CHCHD5: variants seen among roughly 807,000 people sequenced by gnomAD.
CHCHD5 encodes the protein coiled-coil-helix-coiled-coil-helix domain-containing protein 5.
In CHCHD5, 10 loss-of-function variants were observed where a neutral mutation model predicts 16.0. That is an observed-to-expected ratio of 0.63 (90% CI 0.39 to 1.06). CHCHD5 has a LOEUF of 1.06. Ranked by LOEUF, CHCHD5 falls within the 50% of genes least tolerant of loss-of-function variation. The pLI is 0.01. For missense variants in CHCHD5, 163 were observed against 153.4 expected, an observed-to-expected ratio of 1.06 and a Z score of -0.33; for synonymous variants, 55 against 56.3, an observed-to-expected ratio of 0.98 and a Z score of 0.10.
Position 112,588,758 on chromosome 2 carries a change from C to T in CHCHD5, c.310-108C>T. 9.4e-6 allele frequency: 8 copies of T among 854,382 alleles called. No individual in the cohort carries two copies. In the South Asian group the frequency reaches 1.1e-4, roughly 12 times the overall value. 52.9% of individuals were successfully genotyped at this position (854,382 alleles called of 1,614,324 possible). A position where few individuals can be genotyped will look rare whatever the true frequency, so the allele number is the denominator to read the frequency against. ...CAAGGTCATTGCCCAACACCCTTCTCCCTCCAGACTGTGGGCTCTGCAGGG... is the reference window on the plus strand; with the variant it reads ...CAAGGTCATTGCCCAACACCCTTCTTCCTCCAGACTGTGGGCTCTGCAGGG... On this transcript the variant is annotated intron_variant, in intron 3 of 3. Coordinates refer to ENST00000324913, the MANE Select transcript of CHCHD5 (RefSeq NM_032309.4).
intron 1 of CHCHD5, chr2:112,584,959 T>G (rs1427291978): frequency 1.6e-5 from 8 of 501,820 alleles, no homozygotes; most frequent in South Asian, 1.4e-4. Flanking sequence ...ACAGACTTAT[T>G]TAGGGACCTC....
At chr2:112,586,429 T>G in intron 3 of CHCHD5, 64 bp downstream of exon 3, 1 of 1,608,978 alleles carries the variant, frequency 6.2e-7, no homozygotes, top group Non-Finnish European at 8.5e-7. Context: ...CTTCTGGTTG[T>G]TCAGGGTAAA....
At chr2:112,586,451 C>A (rs1256469805) in intron 3 of CHCHD5, 86 bp downstream of exon 3, 2 of 1,588,038 alleles carry the variant, frequency 1.3e-6, no homozygotes, top group East Asian at 2.3e-5. Flanking sequence ...ACTTTGGAGT[C>A]ATCCTCAGCC....
chr2:112,584,978 C>T (rs890816524), intron 1 of CHCHD5: 2 of 430,198 alleles, frequency 4.6e-6, no homozygotes, highest in African/African-American at 2.0e-5. Context: ...TCTATGACTC[C>T]TACACCCATC....
intron 3 of CHCHD5, chr2:112,588,563 TC>T: frequency 2.4e-6 from 1 of 410,498 alleles, no homozygotes; most frequent in Non-Finnish European, 4.4e-6. Context: ...TAAATTTTCT[TC>T]ATCGAATTTC....
chr2:112,584,716 C>G, intron 1 of CHCHD5, 67 bp downstream of exon 1: 1 of 1,580,072 alleles, frequency 6.3e-7, no homozygotes, highest in Admixed American at 1.7e-5. Context: ...TGATCTAGAC[C>G]TAGTCTAGGA....
intron 3 of CHCHD5, chr2:112,586,689 T>C (rs1685237640): frequency 8.2e-7 from 1 of 1,225,480 alleles, no homozygotes; most frequent in Non-Finnish European, 1.1e-6. Flanking sequence ...CACCTATGCT[T>C]AAAGCTCTCC....
At chr2:112,585,184 C>T (rs1183895265) in intron 1 of CHCHD5, among the ~76,000 whole-genome samples, 1 of 152,158 alleles carries the variant, frequency 6.6e-6, no homozygotes, top group Admixed American at 6.5e-5. Context: ...TTGAGTCCCG[C>T]ACCAGGGCCT....
Position 112,586,045 on chromosome 2 carries a change from C to T in CHCHD5, c.74C>T (p.Ala25Val). 1.9e-6 allele frequency: 3 copies of T among 1,614,242 alleles called. No homozygotes were observed. The highest frequency in any genetic ancestry group is 2.5e-6 in the Non-Finnish European group (3 of 1,180,034). ...ELEQYGQCVA[A>V]KPESWQRDCH... ...GAGCAGTATGGCCAGTGTGTGGCGG[C>T]CAAGCCGGAATCCTGGCAGCGGGAC... Residue 25 changes from alanine (A) to valine (V), a missense_variant, in exon 2 of 4, where the codon GCC becomes GTC. Transcript: ENST00000324913.
In CHCHD5 at chr2:112,586,278, A is replaced by T; in HGVS notation, c.222A>T (p.Ala74=). 6.2e-7 allele frequency: 1 copy of T among 1,614,200 alleles called. No individual in the cohort carries two copies. The part of the protein sequence containing the change: ...AFEECLRQNE[A]AVGNCAEHMR... ...AGGAGTGTCTTCGACAGAACGAGGC[A>T]GCTGTGGGCAACTGTGCAGAGCATA... Residue 74 remains alanine, a synonymous_variant, in exon 3 of 4, where the codon GCA becomes GCT. Coordinates refer to ENST00000324913, the MANE Select transcript of CHCHD5 (RefSeq NM_032309.4).
At position 112,586,341 on chromosome 2, in the gene CHCHD5, G is replaced by A. The variant is rs139481240; in HGVS notation, c.285G>A (p.Pro95=). Residue 95 remains proline (P), a synonymous_variant, in exon 3 of 4, where the codon CCG becomes CCA. Coordinates refer to ENST00000324913, the MANE Select transcript of CHCHD5 (RefSeq NM_032309.4). ...RFLQCAEQVQ[P]PRSPATVEAQ... ...TGCAGTGCGCTGAGCAGGTGCAGCCGCCACGCTCACCTGCAACTGTGGAGG... is the reference window on the plus strand; with the variant it reads ...TGCAGTGCGCTGAGCAGGTGCAGCCACCACGCTCACCTGCAACTGTGGAGG... The A allele has an allele frequency of 2.4e-4, 393 of 1,614,234 alleles. No individual in the cohort carries two copies. The highest frequency in any genetic ancestry group is 1.2e-3 in the Middle Eastern group (7 of 6,062).
chr2:112,586,901 A>G, intron 3 of CHCHD5: 1 of 262,690 alleles, frequency 3.8e-6, no homozygotes, highest in South Asian at 7.6e-5. Context: ...TAAACCAGAT[A>G]TACAGTATAT....
chr2:112,587,132 C>G (rs1247495282), intron 3 of CHCHD5: 1 of 154,228 alleles, frequency 6.5e-6, no homozygotes, highest in Non-Finnish European at 1.4e-5. Context: ...CCTGGCTTCT[C>G]TCTTGGGCCA....
In CHCHD5 at chr2:112,586,296, A is replaced by G. The variant is rs773438751; in HGVS notation, c.240A>G (p.Ala80=). The G allele has an allele frequency of 8.1e-6, 13 of 1,614,258 alleles. No homozygotes were observed. The highest frequency in any genetic ancestry group is 3.3e-5 in the South Asian group (3 of 91,090). The change falls in exon 3 of 4, where the codon GCA becomes GCG. Residue 80 remains alanine (A), a synonymous_variant. Transcript: ENST00000324913. The part of the protein sequence containing the change: ...RQNEAAVGNC[A]EHMRRFLQCA... The stretch of plus-strand genomic sequence containing the variant: ...ACGAGGCAGCTGTGGGCAACTGTGC[A>G]GAGCATATGCGCCGCTTCCTGCAGT...
Position 112,589,030 on chromosome 2 carries a change from T to C in CHCHD5, c.*141T>C. ...CAGGACTTCCAATAAATAAAGACTCTGTATACTGGGCTTTGATTCCTGCCA... is the reference window on the plus strand; with the variant it reads ...CAGGACTTCCAATAAATAAAGACTCCGTATACTGGGCTTTGATTCCTGCCA... On this transcript the variant is annotated 3_prime_UTR_variant, in exon 4 of 4. Transcript: ENST00000324913. The C allele has an allele frequency of 1.5e-6, 1 of 650,274 alleles. No individual in the cohort carries two copies. The highest frequency in any genetic ancestry group is 1.8e-5 in the South Asian group (1 of 55,056). The allele number at this position is 650,274 out of a possible 1,614,324, so 40.3% of individuals were successfully genotyped here. A position where few individuals can be genotyped will look rare whatever the true frequency, so the allele number is the denominator to read the frequency against.
chr2:112,584,793 T>C (rs1199397219), intron 1 of CHCHD5, 144 bp downstream of exon 1: 2 of 982,784 alleles, frequency 2.0e-6, no homozygotes, highest in African/African-American at 3.2e-5. Context: ...GCGCCTTCGC[T>C]CACGAGCTCC....
chr2:112,585,182 C>T (rs571223649), intron 1 of CHCHD5, among the ~76,000 whole-genome samples: 9 of 152,262 alleles, frequency 5.9e-5, no homozygotes, highest in East Asian at 5.8e-4. Flanking sequence ...CCTTGAGTCC[C>T]GCACCAGGGC....
At chr2:112,588,139 T>C (rs1176288830) in intron 3 of CHCHD5, 1 of 151,778 alleles carries the variant, frequency 6.6e-6, no homozygotes, top group Non-Finnish European at 1.5e-5. Context: ...AAAATACAAA[T>C]ATTAGCCAGG....
In CHCHD5 at chr2:112,588,918, C is replaced by G; in HGVS notation, c.*29C>G. The G allele has an allele frequency of 6.3e-7, 1 of 1,590,692 alleles. No individual in the cohort carries two copies. Among genetic ancestry groups the G allele is most frequent in the African/African-American group, 1.3e-5 (1 of 74,708 alleles). On this transcript the variant is annotated 3_prime_UTR_variant, in exon 4 of 4. Transcript: ENST00000324913. ...CTCCTCTGACGGCAGGAAAACTGGACATGAATGACTGCCCCCACGCCCCTC... is the reference window on the plus strand; with the variant it reads ...CTCCTCTGACGGCAGGAAAACTGGAGATGAATGACTGCCCCCACGCCCCTC...
Sources: gnomAD v4.1 joint callset for allele counts (sites outside exome capture counted in the v4.1 genomes callset) on GRCh38, gnomAD v4.1.1 for gene constraint, MANE v1.5 for transcripts, NCBI Gene and HGNC (gene_info 2026-07-23, HGNC 2026-07-21) for gene names.